The following GSAP variants were observed in gnomAD, a reference collection of about 807,000 sequenced individuals.
GSAP encodes the protein gamma-secretase activating protein, also known as gamma-secretase-activating protein.
In GSAP, 118 loss-of-function variants were observed where a neutral mutation model predicts 131.7. The ratio of observed to expected loss-of-function variants is 0.90; its 90% CI spans 0.77 to 1.04. The LOEUF (loss-of-function observed/expected upper bound fraction) is 1.04. GSAP is among the 50% of genes least tolerant of loss of function. GSAP has a pLI of 0.00. For missense variants in GSAP, 1,019 were observed against 1,013.2 expected (o/e 1.01, Z -0.08); for synonymous variants, 381 against 363.4 (o/e 1.05, Z -0.55).
chr7:77,348,644 C>A (rs898428883), intron 19 of GSAP, among the ~76,000 whole-genome samples: 1 of 152,214 alleles, frequency 6.6e-6, no homozygotes, highest in Admixed American at 6.5e-5. Context: ...ATGCCAAAAA[C>A]AACAAAGGAG....
intron 12 of GSAP, among the ~76,000 whole-genome samples, chr7:77,372,912 T>C (rs1021118526): frequency 6.6e-6 from 1 of 152,162 alleles, no homozygotes; most frequent in Non-Finnish European, 1.5e-5. Context: ...TTCAAGTCTC[T>C]ACTGAAATAC....
At chr7:77,331,506 T>A (rs1241014614) in intron 19 of GSAP, among the ~76,000 whole-genome samples, 1 of 152,080 alleles carries the variant, frequency 6.6e-6, no homozygotes, top group Non-Finnish European at 1.5e-5. Context: ...TTGGCTGAAC[T>A]GCAAGAAAAA....
chr7:77,393,677 T>TC (rs1213093436), intron 5 of GSAP, among the ~76,000 whole-genome samples: 142 of 148,638 alleles, frequency 9.6e-4, no homozygotes, highest in African/African-American at 3.3e-3. Flanking sequence ...ATACTTTCTT[T>TC]TTTTTTTTTT....
chr7:77,387,131 C>A (rs1414019204), intron 6 of GSAP, among the ~76,000 whole-genome samples: 1 of 152,166 alleles, frequency 6.6e-6, no homozygotes, highest in East Asian at 1.9e-4. Flanking sequence ...GATATTTTAT[C>A]ATGAGAAAAT....
chr7:77,357,382 G>GA (rs1399707414), intron 14 of GSAP, among the ~76,000 whole-genome samples: 2 of 152,176 alleles, frequency 1.3e-5, no homozygotes, highest in African/African-American at 2.4e-5. Context: ...TTGAGATGGG[G>GA]AGACTATCCT....
Position 77,311,447 on chromosome 7 carries a change from G to A in GSAP, c.2476C>T (p.Leu826=), listed in dbSNP as rs768220417. ...TTGTCATGTCCTTCAAAAGGATACA[G>A]GGCTGGAAAAAAATGGGGAGAGGGC... The part of the protein sequence containing the change: ...LTDIESSNQA[L]YPFEGHDNVD... The change falls in exon 31 of 31, where the codon CTG becomes TTG. Residue 826 remains leucine, a splice_region_variant and synonymous_variant. Coordinates refer to ENST00000257626, the MANE Select transcript of GSAP (RefSeq NM_017439.4). The A allele has an allele frequency of 2.5e-6, 4 of 1,599,514 alleles. No homozygotes were observed. The African/African-American group carries it at 5.4e-5, about 21-fold the overall frequency.
intron 14 of GSAP, 140 bp from the exon 15 acceptor site, chr7:77,355,787 GTTT>G (rs11353263): frequency 0.016 from 4,572 of 291,290 alleles, no homozygotes; most frequent in Middle Eastern, 0.035. Context: ...ATGACAGCCC[GTTT>G]TTTTTTTTTT....
intron 13 of GSAP, among the ~76,000 whole-genome samples, chr7:77,361,212 TGGCTCATTGGCCCACATTCCTCAA>T (rs2150914305): frequency 6.6e-6 from 1 of 152,330 alleles, no homozygotes; most frequent in South Asian, 2.1e-4. Context: ...GATGACCACA[TGGCTCATTGGCCCACATTCCTCAA>T]GGCTCACCGC....
chr7:77,412,728 G>A (rs1391285839), intron 1 of GSAP, among the ~76,000 whole-genome samples: 4 of 143,874 alleles, frequency 2.8e-5, no homozygotes, highest in African/African-American at 1.0e-4. Context: ...AATACATAGA[G>A]ATGCTCAACC....
intron 12 of GSAP, among the ~76,000 whole-genome samples, chr7:77,370,018 C>T (rs953887372): frequency 2.0e-5 from 3 of 152,046 alleles, no homozygotes; most frequent in African/African-American, 4.8e-5. Context: ...ATAAACCTAA[C>T]ATTTTATTAA....
intron 18 of GSAP, among the ~76,000 whole-genome samples, chr7:77,350,636 A>G (rs1034565784): frequency 2.6e-5 from 4 of 151,586 alleles, no homozygotes; most frequent in African/African-American, 9.7e-5. Context: ...CCAGCTACTC[A>G]GGAGGCTGAG....
At chr7:77,410,302 G>A (rs758640317) in intron 1 of GSAP, among the ~76,000 whole-genome samples, 3 of 152,156 alleles carry the variant, frequency 2.0e-5, no homozygotes, top group Admixed American at 1.3e-4. Flanking sequence ...CAAATCCAGA[G>A]ACCAATGTCT....
chr7:77,359,635 A>C (rs1255793304), intron 14 of GSAP, among the ~76,000 whole-genome samples: 1 of 152,208 alleles, frequency 6.6e-6, no homozygotes, highest in Admixed American at 6.5e-5. Flanking sequence ...AAATATGCTT[A>C]AGAAGGAAAG....
intron 28 of GSAP, among the ~76,000 whole-genome samples, chr7:77,313,035 C>T (rs1794582408): frequency 6.6e-6 from 1 of 152,128 alleles, no homozygotes; most frequent in African/African-American, 2.4e-5. Context: ...GATATTCCCT[C>T]ATGTTTCTCA....
At chr7:77,345,777 G>A (rs1289968641) in intron 19 of GSAP, among the ~76,000 whole-genome samples, 3 of 151,878 alleles carry the variant, frequency 2.0e-5, no homozygotes, top group Non-Finnish European at 2.9e-5. Flanking sequence ...ATCTCCCTTC[G>A]CTGACTCTTT....
chr7:77,320,811 C>CG lies in GSAP; in HGVS notation c.2002dup (p.Arg668ProfsTer6). On this transcript the variant is annotated frameshift_variant, in exon 26 of 31. Transcript: ENST00000257626. LOFTEE classifies it high-confidence loss of function. ...AACTGCAAATTCAGCAGCACTGCCA[C>CG]GACTATTGCTGGGTAAAAAAAACAA... 6.2e-7 allele frequency: 1 copy of CG among 1,601,978 alleles called. No individual in the cohort carries two copies. The highest frequency in any genetic ancestry group is 8.6e-7 in the Non-Finnish European group (1 of 1,169,098).
chr7:77,364,931 C>A (rs1338919033), intron 12 of GSAP, among the ~76,000 whole-genome samples: 1 of 152,168 alleles, frequency 6.6e-6, no homozygotes, highest in Non-Finnish European at 1.5e-5. Flanking sequence ...CACATGTAGT[C>A]ACTGAACACT....
intron 19 of GSAP, among the ~76,000 whole-genome samples, chr7:77,331,502 G>A (rs10239956): frequency 0.18 from 27,187 of 152,026 alleles, 3,380 homozygotes; most frequent in East Asian, 0.44. Context: ...AGACTTGGCT[G>A]AACTGCAAGA....
Position 77,320,734 on chromosome 7 carries a change from G to T in GSAP, c.2080C>A (p.Leu694Met). ...LEATNSLFLP[L>M]PPGFHTLHTI... ...AAGAGCCAACACTTACCAGGAGGCA[G>T]AGGTAAAAACAAACTGTTTGTAGCT... is the stretch of plus-strand genomic sequence containing the variant. Residue 694 changes from leucine to methionine, a missense_variant, in exon 26 of 31, where the codon CTG becomes ATG. Leu to Met is a conservative substitution (Grantham distance 15). Transcript: ENST00000257626. 6.3e-7 allele frequency: 1 copy of T among 1,590,442 alleles called. No homozygotes were observed. The highest frequency in any genetic ancestry group is 8.6e-7 in the Non-Finnish European group (1 of 1,158,464).
Sources: gnomAD v4.1 joint callset for allele counts (sites outside exome capture counted in the v4.1 genomes callset) on GRCh38, gnomAD v4.1.1 for gene constraint, MANE v1.5 for transcripts, NCBI Gene and HGNC (gene_info 2026-07-23, HGNC 2026-07-21) for gene names.